KPNA3: variants seen among roughly 807,000 people sequenced by gnomAD.
KPNA3 encodes the protein karyopherin subunit alpha 3, also known as importin subunit alpha-4.
A neutral mutation model predicts 73.8 loss-of-function variants in KPNA3; 13 were observed. The observed-to-expected ratio is 0.18, with a 90% CI of 0.11 to 0.28. The LOEUF is 0.28. Ranked by LOEUF, KPNA3 falls within the 10% of genes least tolerant of loss-of-function variation. The pLI is 1.00. For synonymous variants in KPNA3, 186 were observed against 206.9 expected, an observed-to-expected ratio of 0.90 and a Z score of 0.87; for missense variants, 360 against 618.1, an observed-to-expected ratio of 0.58 and a Z score of 4.43.
chr13:49,712,420 C>T (rs779395655), intron 10 of KPNA3, among the ~76,000 whole-genome samples: 1 of 150,920 alleles, frequency 6.6e-6, no homozygotes, highest in African/African-American at 2.4e-5. Context: ...CAAAAAAACC[C>T]GACATGATAG....
At chr13:49,781,611 T>C (rs1487002963) in intron 1 of KPNA3, among the ~76,000 whole-genome samples, 3 of 152,242 alleles carry the variant, frequency 2.0e-5, no homozygotes, top group African/African-American at 4.8e-5. Context: ...AGCAAGCTAG[T>C]TCTGCACTGT....
intron 10 of KPNA3, among the ~76,000 whole-genome samples, chr13:49,712,865 C>A: frequency 7.0e-6 from 1 of 143,714 alleles, no homozygotes; most frequent in African/African-American, 2.6e-5. Context: ...TTGAGAAAGA[C>A]AAAAGTATGC....
chr13:49,775,195 A>G (rs1954888231), intron 1 of KPNA3, among the ~76,000 whole-genome samples: 1 of 150,812 alleles, frequency 6.6e-6, no homozygotes, highest in African/African-American at 2.4e-5. Flanking sequence ...AAGAAAAAAG[A>G]AAAAAGAATA....
At chr13:49,747,732 C>T (rs913579864) in intron 1 of KPNA3, among the ~76,000 whole-genome samples, 1 of 152,102 alleles carries the variant, frequency 6.6e-6, no homozygotes, top group Non-Finnish European at 1.5e-5. Context: ...ATGACTGATA[C>T]ATCTTATACT....
chr13:49,701,929 G>A, intron 16 of KPNA3, 31 bp from the exon 17 acceptor site: 1 of 1,409,266 alleles, frequency 7.1e-7, no homozygotes, highest in Non-Finnish European at 1.0e-6. Context: ...ATCCTTATTA[G>A]GTTATGATAC....
At chr13:49,715,626 G>C (rs570963550) in intron 10 of KPNA3, among the ~76,000 whole-genome samples, 1 of 152,154 alleles carries the variant, frequency 6.6e-6, no homozygotes, top group African/African-American at 2.4e-5. Flanking sequence ...AAAAAGAAAA[G>C]ATATAAGAAT....
At position 49,722,470 on chromosome 13, in the gene KPNA3, C is replaced by A; in HGVS notation, c.556+7G>T. On this transcript the variant is annotated splice_region_variant and intron_variant, in intron 8 of 16. Coordinates refer to ENST00000261667, the MANE Select transcript of KPNA3 (RefSeq NM_002267.4). ...ATTCTTAAGAGGATTCCTTTCAAAC[C>A]ACTTACCTATAATGTTTCCCAAAGC... 1.3e-6 allele frequency: 2 copies of A among 1,585,444 alleles called. No individual in the cohort carries two copies. The highest frequency in any genetic ancestry group is 1.7e-6 in the Non-Finnish European group (2 of 1,158,650).
At chr13:49,702,023 C>A in intron 16 of KPNA3, 125 bp from the exon 17 acceptor site, 1 of 609,060 alleles carries the variant, frequency 1.6e-6, no homozygotes, top group South Asian at 2.2e-5. Flanking sequence ...TAAAAATATT[C>A]GAGTAAATCA....
chr13:49,703,401 C>T (rs1346447775), intron 15 of KPNA3, among the ~76,000 whole-genome samples: 10 of 144,238 alleles, frequency 6.9e-5, no homozygotes, highest in South Asian at 6.7e-4. Flanking sequence ...AGGCTGGTCT[C>T]GAACTCCTGA....
At chr13:49,727,974 G>A (rs1016592296) in intron 6 of KPNA3, among the ~76,000 whole-genome samples, 16 of 152,062 alleles carry the variant, frequency 1.1e-4, no homozygotes, top group African/African-American at 3.6e-4. Flanking sequence ...GGTGGCTCAC[G>A]CCTGTAATCC....
intron 2 of KPNA3, among the ~76,000 whole-genome samples, chr13:49,743,578 CA>C (rs150375280): frequency 0.02 from 1,873 of 94,002 alleles, 40 homozygotes; most frequent in East Asian, 0.13. Flanking sequence ...TAATGTTAGC[CA>C]AAAAAAAAAA....
intron 16 of KPNA3, 72 bp downstream of exon 16, chr13:49,702,314 C>G: frequency 1.3e-6 from 1 of 794,424 alleles, no homozygotes; most frequent in Non-Finnish European, 2.1e-6. Flanking sequence ...AAAAGGAAAA[C>G]TCTTAGTAAA....
In KPNA3 at chr13:49,699,522, G is replaced by A. The variant is rs1000949535; in HGVS notation, c.*2278C>T. On this transcript the variant is annotated 3_prime_UTR_variant, in exon 17 of 17. Transcript: ENST00000261667. ...AATATACTTAGTTTCCTTTATCTAC[G>A]AAATGGTGCAATTCCAATTCAAAAC... The A allele has an allele frequency of 3.3e-5, 5 of 152,480 alleles. No homozygotes were observed. Among genetic ancestry groups the A allele is most frequent in the African/African-American group, 7.3e-5 (3 of 41,376 alleles). The allele number at this position is 152,480 out of a possible 1,614,324, so 9.4% of individuals were successfully genotyped here. A position where few individuals can be genotyped will look rare whatever the true frequency, so the allele number is the denominator to read the frequency against.
chr13:49,736,765 C>A (rs1954525792), intron 2 of KPNA3, among the ~76,000 whole-genome samples: 1 of 152,114 alleles, frequency 6.6e-6, no homozygotes, highest in African/African-American at 2.4e-5. Flanking sequence ...CCACCACAGT[C>A]AAGATGGTAA....
intron 1 of KPNA3, among the ~76,000 whole-genome samples, chr13:49,766,390 A>G (rs1473646498): frequency 6.6e-6 from 1 of 152,074 alleles, no homozygotes; most frequent in Non-Finnish European, 1.5e-5. Context: ...GATTACCTCT[A>G]TTGCTGAATT....
At chr13:49,715,854 T>G (rs751337000) in intron 10 of KPNA3, among the ~76,000 whole-genome samples, 16 of 152,238 alleles carry the variant, frequency 1.1e-4, no homozygotes, top group Non-Finnish European at 2.2e-4. Context: ...GGTATAATAC[T>G]TTTACATTTG....
chr13:49,771,973 G>C (rs932181876), intron 1 of KPNA3, among the ~76,000 whole-genome samples: 1 of 152,100 alleles, frequency 6.6e-6, no homozygotes, highest in Non-Finnish European at 1.5e-5. Flanking sequence ...TTTAATTTTA[G>C]ATTGCCCATT....
chr13:49,702,390 T>G lies in KPNA3; in HGVS notation c.1463A>C (p.Asp488Ala), dbSNP rs148675861. ...GCTATTTTAATATCTACTTACATCA[T>G]CACCAGAGAAATACTGATCTATGAT... ...FEIIDQYFSG[D>A]DIDEDPCLIP... Residue 488 changes from aspartate to alanine, a missense_variant, in exon 16 of 17, where the codon GAT (aspartate) becomes GCT (alanine). This residue lies in a region of KPNA3 where 38 missense variants were observed against 39.0 expected (regional missense o/e 0.98). Coordinates refer to ENST00000261667, the MANE Select transcript of KPNA3 (RefSeq NM_002267.4). 1.6e-4 allele frequency: 229 copies of G among 1,430,780 alleles called. No individual in the cohort carries two copies. Among genetic ancestry groups the G allele is most frequent in the Middle Eastern group, 3.5e-4 (2 of 5,728 alleles). The allele number at this position is 1,430,780 out of a possible 1,614,324, so 88.6% of individuals were successfully genotyped here.
intron 1 of KPNA3, among the ~76,000 whole-genome samples, chr13:49,747,590 G>A (rs770434545): frequency 1.3e-5 from 2 of 152,172 alleles, no homozygotes; most frequent in Non-Finnish European, 1.5e-5. Flanking sequence ...GGAGGCTGAC[G>A]CTCAAGAATC....
Sources: gnomAD v4.1 joint callset for allele counts (sites outside exome capture counted in the v4.1 genomes callset) on GRCh38, gnomAD v4.1.1 for gene constraint, gnomAD v4.1.1 regional missense constraint, MANE v1.5 for transcripts, NCBI Gene and HGNC (gene_info 2026-07-23, HGNC 2026-07-21) for gene names.